RBMS3: variants seen among roughly 807,000 people sequenced by gnomAD.
The protein encoded by RBMS3 is RNA-binding motif, single-stranded-interacting protein 3.
A neutral mutation model predicts 66.8 loss-of-function variants in RBMS3; 27 were observed. The observed-to-expected ratio is 0.40, with a 90% CI of 0.30 to 0.56. The LOEUF is 0.56. Ranked by LOEUF, RBMS3 falls within the 20% of genes least tolerant of loss-of-function variation. RBMS3 has a pLI of 0.40. For missense variants in RBMS3, 513 were observed against 549.5 expected (o/e 0.93, Z 0.66); for synonymous variants, 188 against 183.0 (o/e 1.03, Z -0.22).
chr3:29,297,459 C>T (rs2033354374), intron 1 of RBMS3, among the ~76,000 whole-genome samples: 2 of 151,854 alleles, frequency 1.3e-5, no homozygotes, highest in South Asian at 4.1e-4. Flanking sequence ...CCGATCAATG[C>T]TATTCATTGA....
intron 5 of RBMS3, among the ~76,000 whole-genome samples, chr3:29,757,981 T>C (rs776016081): frequency 6.6e-6 from 1 of 152,200 alleles, no homozygotes; most frequent in Admixed American, 6.5e-5. Flanking sequence ...TAGACTTTGT[T>C]TGTTGGAGTA....
chr3:29,964,097 T>C (rs1696664893), intron 12 of RBMS3, among the ~76,000 whole-genome samples: 1 of 152,204 alleles, frequency 6.6e-6, no homozygotes, highest in Non-Finnish European at 1.5e-5. Flanking sequence ...GAAGTGTGTT[T>C]CTGAAATGCT....
intron 3 of RBMS3, among the ~76,000 whole-genome samples, chr3:29,517,378 A>C (rs1050104975): frequency 6.7e-6 from 1 of 149,756 alleles, no homozygotes; most frequent in Admixed American, 6.7e-5. Context: ...GCTGGAGTAC[A>C]GTGGCGCAAT....
rs748674269 is a variant in RBMS3 at position 29,434,798 on chromosome 3, GCAGCAGCAACAA to G, written c.151_162del (p.Asn51_Ser54del). On this transcript the variant is annotated inframe_deletion, in exon 2 of 15. Transcript: ENST00000383767. ...GCTCCTCCCAGCCCCAGCACAAACA[GCAGCAGCAACAA>G]CAGCAGCAACAACAGCAGCGGGGAA... 120 of 1,613,984 alleles carry G rather than the reference GCAGCAGCAACAA, an allele frequency of 7.4e-5. No homozygotes were observed. The highest frequency in any genetic ancestry group is 1.3e-4 in the East Asian group (6 of 44,862).
intron 4 of RBMS3, among the ~76,000 whole-genome samples, chr3:29,607,521 A>G (rs1307377854): frequency 1.3e-5 from 2 of 151,944 alleles, no homozygotes; most frequent in Non-Finnish European, 2.9e-5. Flanking sequence ...AAAAGGCCCC[A>G]CCACCCAATA....
intron 12 of RBMS3, among the ~76,000 whole-genome samples, chr3:29,972,673 C>T (rs1227007619): frequency 6.6e-6 from 1 of 152,062 alleles, no homozygotes; most frequent in Non-Finnish European, 1.5e-5. Context: ...TTAGTTGCAT[C>T]ATTTACTTGA....
chr3:29,404,797 C>T (rs1327354154), intron 1 of RBMS3, among the ~76,000 whole-genome samples: 3 of 152,078 alleles, frequency 2.0e-5, no homozygotes, highest in African/African-American at 7.2e-5. Flanking sequence ...TACCTGCAAA[C>T]TGAATACATT....
intron 5 of RBMS3, among the ~76,000 whole-genome samples, chr3:29,758,959 T>C (rs190463381): frequency 1.3e-5 from 2 of 152,262 alleles, no homozygotes; most frequent in East Asian, 1.9e-4. Context: ...TAATTAACCA[T>C]AATAAATGAC....
chr3:29,311,306 T>C (rs904369933), intron 1 of RBMS3, among the ~76,000 whole-genome samples: 1 of 151,748 alleles, frequency 6.6e-6, no homozygotes, highest in Admixed American at 6.6e-5. Flanking sequence ...AATTGAGATC[T>C]CCGATCAGCC....
At chr3:29,475,688 C>T (rs58057721) in intron 2 of RBMS3, among the ~76,000 whole-genome samples, 10,973 of 152,032 alleles carry the variant, frequency 0.072, 473 homozygotes, top group East Asian at 0.16. Flanking sequence ...GTATAAAGCA[C>T]GGGGTATCTC....
intron 14 of RBMS3, chr3:29,991,539 C>T: frequency 4.2e-6 from 1 of 240,186 alleles, no homozygotes; most frequent in South Asian, 6.9e-5. Context: ...ATGGAAGTCT[C>T]AGAATTTCAA....
At chr3:29,840,494 T>C (rs1363475291) in intron 6 of RBMS3, among the ~76,000 whole-genome samples, 1 of 152,032 alleles carries the variant, frequency 6.6e-6, no homozygotes, top group Non-Finnish European at 1.5e-5. Context: ...ATTTCCTATA[T>C]CACATATCAT....
At chr3:29,655,518 G>GC (rs2050294649) in intron 4 of RBMS3, among the ~76,000 whole-genome samples, 1 of 152,142 alleles carries the variant, frequency 6.6e-6, no homozygotes, top group Non-Finnish European at 1.5e-5. Context: ...CATCATAGTT[G>GC]CCATAACATC....
chr3:29,542,103 C>G (rs1194381037), intron 3 of RBMS3, among the ~76,000 whole-genome samples: 1 of 152,166 alleles, frequency 6.6e-6, no homozygotes, highest in East Asian at 1.9e-4. Context: ...AGACTTCTTT[C>G]TGCAACAGAC....
chr3:29,555,880 T>A (rs1198192800), intron 3 of RBMS3, among the ~76,000 whole-genome samples: 2 of 103,758 alleles, frequency 1.9e-5, no homozygotes, highest in Non-Finnish European at 4.1e-5. Context: ...AAAGACATAT[T>A]TCAAAAGCTT....
chr3:29,498,894 T>C (rs2043861083), intron 3 of RBMS3, among the ~76,000 whole-genome samples: 1 of 152,190 alleles, frequency 6.6e-6, no homozygotes, highest in Admixed American at 6.5e-5. Context: ...CTTGTGTTTA[T>C]TGAGATTAGC....
At chr3:29,837,126 T>C (rs1462249328) in intron 6 of RBMS3, among the ~76,000 whole-genome samples, 1 of 152,094 alleles carries the variant, frequency 6.6e-6, no homozygotes, top group African/African-American at 2.4e-5. Context: ...AATCATCATT[T>C]TTGCAAACGA....
intron 13 of RBMS3, 152 bp downstream of exon 13, chr3:29,988,375 T>C (rs1559866560): frequency 1.6e-6 from 1 of 629,098 alleles, no homozygotes; most frequent in East Asian, 2.9e-5. Flanking sequence ...AGTATAAACA[T>C]TTACTTGAAT....
chr3:29,821,790 A>G (rs1035903326), intron 6 of RBMS3, among the ~76,000 whole-genome samples: 9 of 152,182 alleles, frequency 5.9e-5, no homozygotes, highest in African/African-American at 2.2e-4. Context: ...GAGTACCAGA[A>G]GAAAATATGT....
Sources: gnomAD v4.1 joint callset for allele counts (sites outside exome capture counted in the v4.1 genomes callset) on GRCh38, gnomAD v4.1.1 for gene constraint, MANE v1.5 for transcripts, NCBI Gene and HGNC (gene_info 2026-07-23, HGNC 2026-07-21) for gene names.